The following GALNTL6 variants were observed in gnomAD, a reference collection of about 807,000 sequenced individuals.
GALNTL6 encodes polypeptide N-acetylgalactosaminyltransferase like 6.
A neutral mutation model predicts 73.7 loss-of-function variants in GALNTL6; 46 were observed. The ratio of observed to expected loss-of-function variants is 0.62; its 90% CI spans 0.49 to 0.80. The LOEUF (loss-of-function observed/expected upper bound fraction) is 0.80. Among genes scored for constraint, GALNTL6 ranks in the 30% least tolerant of loss-of-function variants. The pLI, the probability that GALNTL6 is intolerant of heterozygous loss-of-function variation, is 0.00. For synonymous variants in GALNTL6, 259 were observed against 263.7 expected (o/e 0.98, Z 0.17); for missense variants, 604 against 755.0 (o/e 0.80, Z 2.34).
chr4:172,897,075 A>T (rs1258750975), intron 8 of GALNTL6, among the ~76,000 whole-genome samples: 1 of 152,124 alleles, frequency 6.6e-6, no homozygotes, highest in Non-Finnish European at 1.5e-5. Flanking sequence ...AAAGGCAAAC[A>T]TCTCCCAGCA....
intron 2 of GALNTL6, among the ~76,000 whole-genome samples, chr4:172,150,824 A>T (rs561999554): frequency 6.6e-6 from 1 of 152,336 alleles, no homozygotes; most frequent in East Asian, 1.9e-4. Context: ...TTAAAATATT[A>T]ATAATGTCTT....
intron 5 of GALNTL6, among the ~76,000 whole-genome samples, chr4:172,480,948 C>T (rs148501371): frequency 3.9e-4 from 59 of 152,266 alleles, no homozygotes; most frequent in African/African-American, 1.4e-3. Context: ...TCGGAAGTGG[C>T]AAATTGACAT....
chr4:172,197,565 A>G (rs1303350047), intron 2 of GALNTL6, among the ~76,000 whole-genome samples: 1 of 152,240 alleles, frequency 6.6e-6, no homozygotes, highest in Non-Finnish European at 1.5e-5. Context: ...TAACCAAAAC[A>G]GCATGGTACT....
Position 172,072,388 on chromosome 4 carries a change from C to T in GALNTL6, c.139-157268C>T, listed in dbSNP as rs1731571499. 1.3e-5 allele frequency among the ~76,000 whole-genome samples: 2 copies of T among 151,888 alleles called. 1 individual carries two copies. Among genetic ancestry groups the T allele is most frequent in the South Asian group, 4.2e-4 (2 of 4,818 alleles). Reference sequence around the variant, plus strand: ...AATACTCCTTTCTTTAAATTTTCTCCCAAGTGATTTCATGCAGTTTCATAT... The same window carrying T: ...AATACTCCTTTCTTTAAATTTTCTCTCAAGTGATTTCATGCAGTTTCATAT... On this transcript the variant is annotated intron_variant, in intron 2 of 12. Transcript: ENST00000506823.
At chr4:171,935,467 G>T (rs1738311119) in intron 2 of GALNTL6, among the ~76,000 whole-genome samples, 1 of 152,050 alleles carries the variant, frequency 6.6e-6, no homozygotes, top group South Asian at 2.1e-4. Context: ...GAAACACACT[G>T]ACTCTCTTTT....
rs190090976 is a variant in GALNTL6, at chr4:172,614,055, A to G, written c.554-195306A>G. Among the ~76,000 whole-genome samples, 5 of 152,144 alleles carry G rather than the reference A, an allele frequency of 3.3e-5. No homozygotes were observed. In the East Asian group the frequency reaches 9.7e-4, roughly 29 times the overall value. ...GGCCTATCTCTTCTAAGATCACTGAATCCACTGAATCTCTCTCCCCTCCCA... is the reference window on the plus strand; with the variant it reads ...GGCCTATCTCTTCTAAGATCACTGAGTCCACTGAATCTCTCTCCCCTCCCA... On this transcript the variant is annotated intron_variant, in intron 5 of 12. Coordinates refer to ENST00000506823, the MANE Select transcript of GALNTL6 (RefSeq NM_001034845.3).
intron 5 of GALNTL6, among the ~76,000 whole-genome samples, chr4:172,384,235 C>G (rs1743383369): frequency 6.6e-6 from 1 of 152,058 alleles, no homozygotes; most frequent in African/African-American, 2.4e-5. Flanking sequence ...AGGGCCCAAA[C>G]TTTTCTTTGT....
intron 12 of GALNTL6, among the ~76,000 whole-genome samples, chr4:173,022,474 G>A (rs919570222): frequency 2.0e-5 from 3 of 152,200 alleles, no homozygotes; most frequent in Non-Finnish European, 2.9e-5. Flanking sequence ...GCAAAACCAC[G>A]CATACATAAT....
chr4:172,241,628 G>A (rs1360012630), intron 3 of GALNTL6, among the ~76,000 whole-genome samples: 4 of 152,206 alleles, frequency 2.6e-5, no homozygotes, highest in Non-Finnish European at 4.4e-5. Flanking sequence ...CAACATTGCA[G>A]GACCAGGAAG....
intron 11 of GALNTL6, among the ~76,000 whole-genome samples, chr4:173,009,745 G>C (rs1752462470): frequency 6.6e-6 from 1 of 152,192 alleles, no homozygotes; most frequent in Non-Finnish European, 1.5e-5. Flanking sequence ...TGGGCCTCCT[G>C]TTGTTGTAGT....
At chr4:172,395,048 A>G (rs529084421) in intron 5 of GALNTL6, among the ~76,000 whole-genome samples, 51 of 152,170 alleles carry the variant, frequency 3.4e-4, no homozygotes, top group Non-Finnish European at 6.2e-4. Context: ...AGGATTATTG[A>G]TACTACAAAG....
At chr4:172,561,246 A>C (rs4692652) in intron 5 of GALNTL6, among the ~76,000 whole-genome samples, 23 of 136,738 alleles carry the variant, frequency 1.7e-4, no homozygotes, top group South Asian at 1.2e-3. Context: ...GGCGACAGAG[A>C]GAGACTCCGT....
At chr4:172,665,429 T>C (rs894935347) in intron 5 of GALNTL6, among the ~76,000 whole-genome samples, 1 of 152,206 alleles carries the variant, frequency 6.6e-6, no homozygotes, top group Non-Finnish European at 1.5e-5. Flanking sequence ...ACAGCCATGG[T>C]TAACTTCAAG....
At chr4:172,654,178 A>G (rs1730854321) in intron 5 of GALNTL6, among the ~76,000 whole-genome samples, 1 of 152,208 alleles carries the variant, frequency 6.6e-6, no homozygotes, top group Admixed American at 6.5e-5. Context: ...GCAAATGGTA[A>G]AAGTGAAAAT....
In GALNTL6 at chr4:172,163,806, G is replaced by A. The variant is rs116684210; in HGVS notation, c.139-65850G>A. On this transcript the variant is annotated intron_variant, in intron 2 of 12. Transcript: ENST00000506823. ...TTTTAAAAAATTCCAAAGATGGTTC[G>A]TTAAAGGCAAACAACATACAGGCAC... Among the ~76,000 whole-genome samples, 1,202 of 151,998 alleles carry A rather than the reference G, an allele frequency of 7.9e-3. 14 individuals are homozygous for A. The highest frequency in any genetic ancestry group is 0.028 in the African/African-American group (1,146 of 41,502).
At chr4:173,028,219 GA>G (rs754017013) in intron 12 of GALNTL6, among the ~76,000 whole-genome samples, 6 of 151,584 alleles carry the variant, frequency 4.0e-5, no homozygotes, top group Non-Finnish European at 7.4e-5. Flanking sequence ...CTTGAAGAAG[GA>G]AAAAAAAGTA....
At chr4:171,944,348 T>A (rs1738640017) in intron 2 of GALNTL6, among the ~76,000 whole-genome samples, 1 of 152,032 alleles carries the variant, frequency 6.6e-6, no homozygotes, top group African/African-American at 2.4e-5. Context: ...CTTAGGATAT[T>A]GCTAAACAGT....
In GALNTL6 at chr4:171,988,591, G is replaced by A. The variant is rs541464398; in HGVS notation, c.138+173873G>A. ...GTATATGGGTTTGGCACCACGGGGTGGATAGGCAAAACAATTCGGTTGATA... is the reference window on the plus strand; with the variant it reads ...GTATATGGGTTTGGCACCACGGGGTAGATAGGCAAAACAATTCGGTTGATA... On this transcript the variant is annotated intron_variant, in intron 2 of 12. Transcript: ENST00000506823. Among the ~76,000 whole-genome samples, 218 of 152,244 alleles carry A rather than the reference G, an allele frequency of 1.4e-3. 1 individual carries two copies. The highest frequency in any genetic ancestry group is 4.6e-3 in the African/African-American group (190 of 41,536).
intron 3 of GALNTL6, among the ~76,000 whole-genome samples, chr4:172,233,234 G>T (rs1419124117): frequency 6.6e-6 from 1 of 151,626 alleles, no homozygotes; most frequent in Non-Finnish European, 1.5e-5. Flanking sequence ...ATTCATCCGG[G>T]CATGGTGACA....
Sources: allele counts gnomAD v4.1 joint callset (sites outside exome capture counted in the v4.1 genomes callset), GRCh38; gene constraint gnomAD v4.1.1; transcripts MANE v1.5; gene names NCBI Gene and HGNC (gene_info 2026-07-23, HGNC 2026-07-21).